ABTB2: variants seen among roughly 807,000 people sequenced by gnomAD.
ABTB2 encodes ankyrin repeat and BTB/POZ domain-containing protein 2.
Under a neutral mutation model 104.1 loss-of-function variants are expected in ABTB2, and 56 were observed. The ratio of observed to expected loss-of-function variants is 0.54; its 90% CI spans 0.43 to 0.67. The LOEUF (loss-of-function observed/expected upper bound fraction) is 0.67. ABTB2 is among the 30% of genes least tolerant of loss of function. ABTB2 has a pLI of 0.00. For synonymous variants in ABTB2, 606 were observed against 608.2 expected, an observed-to-expected ratio of 1.00 and a Z score of 0.05; for missense variants, 1,279 against 1,407.7, an observed-to-expected ratio of 0.91 and a Z score of 1.46.
At chr11:34,194,775 G>C (rs1360622157) in intron 3 of ABTB2, among the ~76,000 whole-genome samples, 1 of 68,678 alleles carries the variant, frequency 1.5e-5, no homozygotes, top group Non-Finnish European at 2.9e-5. Context: ...TTAAAAATTT[G>C]GTTTTTTTTT....
At chr11:34,264,996 C>G (rs1854230961) in intron 1 of ABTB2, among the ~76,000 whole-genome samples, 1 of 152,244 alleles carries the variant, frequency 6.6e-6, no homozygotes, top group African/African-American at 2.4e-5. Context: ...ATGTGCATTG[C>G]AGAACCATTT....
intron 14 of ABTB2, among the ~76,000 whole-genome samples, chr11:34,158,312 G>C (rs1204046322): frequency 4.6e-5 from 7 of 152,120 alleles, no homozygotes; most frequent in Admixed American, 4.6e-4. Context: ...ACTCGGGAGG[G>C]TGAGGCAGGA....
chr11:34,165,205 G>A, intron 8 of ABTB2, 55 bp downstream of exon 8: 1 of 1,474,144 alleles, frequency 6.8e-7, no homozygotes, highest in East Asian at 2.5e-5. Context: ...GCCTGGCCAG[G>A]CTGGGGGGCA....
chr11:34,158,186 G>A (rs979549943), intron 14 of ABTB2, among the ~76,000 whole-genome samples: 1 of 152,174 alleles, frequency 6.6e-6, no homozygotes, highest in Admixed American at 6.5e-5. Flanking sequence ...AGGCCAAGGC[G>A]GGTGGATCAC....
chr11:34,163,759 G>A (rs969469968), intron 9 of ABTB2, among the ~76,000 whole-genome samples: 2 of 152,242 alleles, frequency 1.3e-5, no homozygotes, highest in Non-Finnish European at 2.9e-5. Flanking sequence ...AGAGCACCTT[G>A]TTTGGGCCAG....
chr11:34,289,888 T>C (rs2025083), intron 1 of ABTB2, among the ~76,000 whole-genome samples: 58,466 of 152,124 alleles, frequency 0.38, 12,354 homozygotes, highest in Non-Finnish European at 0.48. Context: ...TAATCAGATG[T>C]GTGTTGGTTG....
At chr11:34,268,931 T>C (rs942965458) in intron 1 of ABTB2, among the ~76,000 whole-genome samples, 3 of 152,160 alleles carry the variant, frequency 2.0e-5, no homozygotes, top group Non-Finnish European at 4.4e-5. Flanking sequence ...GCTAACTACA[T>C]CCACACCTAC....
intron 1 of ABTB2, among the ~76,000 whole-genome samples, chr11:34,276,655 C>A (rs1211465221): frequency 6.6e-6 from 1 of 152,176 alleles, no homozygotes. Context: ...CTTGACAAAT[C>A]TCAAATGCCA....
chr11:34,172,395 A>C (rs11032534), intron 4 of ABTB2, among the ~76,000 whole-genome samples: 1,079 of 29,054 alleles, frequency 0.037, 113 homozygotes, highest in East Asian at 0.33. Flanking sequence ...AAAAAAAAAA[A>C]ATATATATAT....
intron 1 of ABTB2, among the ~76,000 whole-genome samples, chr11:34,342,944 T>G (rs922567647): frequency 6.6e-6 from 1 of 151,108 alleles, no homozygotes; most frequent in East Asian, 1.9e-4. Context: ...TTTATTTATT[T>G]ATTTATTTAT....
chr11:34,321,148 C>T (rs1457102325), intron 1 of ABTB2, among the ~76,000 whole-genome samples: 3 of 152,232 alleles, frequency 2.0e-5, no homozygotes, highest in Non-Finnish European at 2.9e-5. Context: ...CACCATTGCA[C>T]TCCAGCCTGG....
At chr11:34,352,788 G>T (rs1855415267) in intron 1 of ABTB2, among the ~76,000 whole-genome samples, 1 of 152,204 alleles carries the variant, frequency 6.6e-6, no homozygotes, top group African/African-American at 2.4e-5. Context: ...AGGCATGATG[G>T]GTCATGCCTG....
At chr11:34,322,891 T>C (rs921492780) in intron 1 of ABTB2, among the ~76,000 whole-genome samples, 19 of 152,192 alleles carry the variant, frequency 1.2e-4, no homozygotes, top group African/African-American at 4.6e-4. Flanking sequence ...GTTGCCTAGG[T>C]GGGAACAAAT....
intron 1 of ABTB2, among the ~76,000 whole-genome samples, chr11:34,310,861 C>T (rs78249218): frequency 1.5e-3 from 233 of 152,306 alleles, no homozygotes; most frequent in East Asian, 2.1e-3. Context: ...GCTCCCCACA[C>T]GACACACTCA....
At chr11:34,244,650 A>G (rs905152514) in intron 1 of ABTB2, among the ~76,000 whole-genome samples, 14 of 152,032 alleles carry the variant, frequency 9.2e-5, no homozygotes, top group Admixed American at 2.0e-4. Flanking sequence ...CCAACCCCCA[A>G]TGTACTCGCT....
At chr11:34,191,371 G>C (rs897879742) in intron 3 of ABTB2, among the ~76,000 whole-genome samples, 50 of 152,336 alleles carry the variant, frequency 3.3e-4, no homozygotes, top group African/African-American at 1.1e-3. Flanking sequence ...TGTCTAGCCT[G>C]ATACGGAACA....
At chr11:34,207,583 A>G (rs1270111813) in intron 1 of ABTB2, among the ~76,000 whole-genome samples, 1 of 152,206 alleles carries the variant, frequency 6.6e-6, no homozygotes, top group Non-Finnish European at 1.5e-5. Flanking sequence ...GCTGACTTTT[A>G]TTGAAGGCTT....
intron 6 of ABTB2, among the ~76,000 whole-genome samples, chr11:34,167,662 A>T (rs1852819596): frequency 6.6e-6 from 1 of 152,118 alleles, no homozygotes; most frequent in African/African-American, 2.4e-5. Flanking sequence ...TATCATGAAA[A>T]CAGAATCACA....
intron 8 of ABTB2, among the ~76,000 whole-genome samples, 196 bp from the exon 9 acceptor site, chr11:34,165,017 C>T (rs956314363): frequency 6.6e-5 from 10 of 152,220 alleles, no homozygotes; most frequent in African/African-American, 9.6e-5. Flanking sequence ...CCTGCTCCCC[C>T]TCCCTGGGTC....
Sources: allele counts gnomAD v4.1 joint callset (sites outside exome capture counted in the v4.1 genomes callset), GRCh38; gene constraint gnomAD v4.1.1; transcripts MANE v1.5; gene names NCBI Gene and HGNC (gene_info 2026-07-23, HGNC 2026-07-21).